FAM184B: variants seen among roughly 807,000 people sequenced by gnomAD.
FAM184B encodes the protein protein FAM184B.
FAM184B carries 111 observed loss-of-function variants against 135.9 expected under a neutral mutation model. The observed-to-expected ratio is 0.82, with a 90% CI of 0.70 to 0.96. The LOEUF (loss-of-function observed/expected upper bound fraction) is 0.96, where lower values mean the gene tolerates loss of function less well. FAM184B is among the 40% of genes least tolerant of loss of function. The probability of loss-of-function intolerance (pLI) is 0.00; values close to 1 mark genes in which losing one functional copy is unlikely to be tolerated. For missense variants in FAM184B, 1,375 were observed against 1,323.9 expected (o/e 1.04, Z -0.60); for synonymous variants, 552 against 524.8 (o/e 1.05, Z -0.71).
chr4:17,635,960 A>G (rs1157753840), intron 15 of FAM184B, among the ~76,000 whole-genome samples: 1 of 152,206 alleles, frequency 6.6e-6, no homozygotes, highest in Non-Finnish European at 1.5e-5. Context: ...AACCTAAGCC[A>G]TTATAGATTT....
intron 1 of FAM184B, among the ~76,000 whole-genome samples, chr4:17,762,972 T>C (rs899974473): frequency 6.6e-6 from 1 of 152,194 alleles, no homozygotes; most frequent in African/African-American, 2.4e-5. Flanking sequence ...TGCCCTGGCC[T>C]ACACAGCTGA....
intron 1 of FAM184B, among the ~76,000 whole-genome samples, chr4:17,757,491 A>AT (rs895939320): frequency 2.4e-4 from 36 of 152,110 alleles, no homozygotes; most frequent in African/African-American, 7.5e-4. Context: ...TTTAGCATTA[A>AT]TTTTTTTTCA....
At chr4:17,722,095 G>A (rs1397011560) in intron 1 of FAM184B, among the ~76,000 whole-genome samples, 1 of 152,212 alleles carries the variant, frequency 6.6e-6, no homozygotes, top group Non-Finnish European at 1.5e-5. Context: ...CTCACTGGGT[G>A]TGGAGAGGGG....
rs372390501 is a variant in FAM184B, at chr4:17,635,120, A to T, written c.2785-7T>A. On this transcript the variant is annotated splice_polypyrimidine_tract_variant and splice_region_variant and intron_variant, in intron 15 of 17. Coordinates refer to ENST00000265018, the MANE Select transcript of FAM184B (RefSeq NM_015688.2). ...AGTGAAATCTTCTCTCTTCCTAGAA[A>T]ACCAATACAACTGAGTCTAAATGAG... 1.1e-5 allele frequency: 17 copies of T among 1,547,494 alleles called. No individual in the cohort carries two copies. The East Asian group carries it at 2.7e-4, about 24-fold the overall frequency.
chr4:17,652,129 CTTTTTT>C (rs1173327491), intron 11 of FAM184B, among the ~76,000 whole-genome samples: 4 of 81,448 alleles, frequency 4.9e-5, no homozygotes, highest in African/African-American at 8.0e-5. Context: ...TATTTAATAT[CTTTTTT>C]TTTTTTTTTT....
At chr4:17,765,864 G>A (rs902357195) in intron 1 of FAM184B, among the ~76,000 whole-genome samples, 12 of 151,962 alleles carry the variant, frequency 7.9e-5, no homozygotes, top group African/African-American at 1.9e-4. Context: ...TGGAGAGTTC[G>A]GGGTCTCCCT....
rs115463997 is a variant in FAM184B at position 17,648,856 on chromosome 4, C to A, written c.2192-1065G>T. 6.1e-3 allele frequency among the ~76,000 whole-genome samples: 935 copies of A among 152,256 alleles called. 12 individuals carry two copies. Among genetic ancestry groups the A allele is most frequent in the African/African-American group, 0.021 (880 of 41,550 alleles). ...CGAGCTTCCAACTCCAGCTTCCCCT[C>A]TGAGGATGGAGACTGATTTCTAGTA... is the stretch of plus-strand genomic sequence containing the variant. On this transcript the variant is annotated intron_variant, in intron 11 of 17. Transcript: ENST00000265018.
intron 7 of FAM184B, among the ~76,000 whole-genome samples, chr4:17,675,865 G>T (rs190919824): frequency 6.6e-6 from 1 of 152,152 alleles, no homozygotes; most frequent in African/African-American, 2.4e-5. Flanking sequence ...GAGAATTAGG[G>T]CCTGGCTCTG....
chr4:17,710,011 T>A (rs7669790), intron 1 of FAM184B, among the ~76,000 whole-genome samples: 9 of 152,056 alleles, frequency 5.9e-5, no homozygotes, highest in Non-Finnish European at 7.4e-5. Context: ...GGAATGCAAA[T>A]CCCGGAACAA....
intron 5 of FAM184B, among the ~76,000 whole-genome samples, chr4:17,703,030 G>A (rs1717025671): frequency 6.6e-6 from 1 of 152,202 alleles, no homozygotes; most frequent in Non-Finnish European, 1.5e-5. Context: ...TTAGCTGTGT[G>A]TGTTGATATA....
chr4:17,778,231 G>C (rs188647028), intron 1 of FAM184B, among the ~76,000 whole-genome samples: 49 of 152,318 alleles, frequency 3.2e-4, no homozygotes, highest in Middle Eastern at 3.4e-3. Context: ...ATGAAAATTA[G>C]ATTGGCAGTA....
chr4:17,735,761 C>T (rs1485651284), intron 1 of FAM184B, among the ~76,000 whole-genome samples: 1 of 152,150 alleles, frequency 6.6e-6, no homozygotes, highest in Non-Finnish European at 1.5e-5. Context: ...GCAAGGAACG[C>T]CATGCTCAAT....
chr4:17,639,540 A>G, intron 13 of FAM184B, 144 bp from the exon 14 acceptor site: 9 of 1,004,810 alleles, frequency 9.0e-6, no homozygotes, highest in Non-Finnish European at 1.3e-5. Context: ...TGTGGGAAGA[A>G]GAGCTGAAGT....
At chr4:17,732,318 C>A (rs1485113717) in intron 1 of FAM184B, among the ~76,000 whole-genome samples, 1 of 151,982 alleles carries the variant, frequency 6.6e-6, no homozygotes, top group East Asian at 1.9e-4. Flanking sequence ...TAGCAGAAGG[C>A]AAGAAATAAC....
At chr4:17,698,097 A>C (rs578167855) in intron 5 of FAM184B, among the ~76,000 whole-genome samples, 1 of 152,268 alleles carries the variant, frequency 6.6e-6, no homozygotes, top group Non-Finnish European at 1.5e-5. Flanking sequence ...AACAAACAAA[A>C]AAACAATAAC....
intron 1 of FAM184B, among the ~76,000 whole-genome samples, chr4:17,766,259 A>G (rs1309575453): frequency 6.6e-6 from 1 of 152,238 alleles, no homozygotes; most frequent in Admixed American, 6.5e-5. Context: ...CCGTTTTGAC[A>G]GGGTGCTGAT....
At chr4:17,639,806 C>T (rs551588586) in intron 13 of FAM184B, among the ~76,000 whole-genome samples, 1 of 151,824 alleles carries the variant, frequency 6.6e-6, no homozygotes, top group East Asian at 2.0e-4. Context: ...CTAACAACTA[C>T]ACTGCAGTGG....
intron 1 of FAM184B, among the ~76,000 whole-genome samples, chr4:17,752,207 G>T (rs1311567949): frequency 6.6e-6 from 1 of 152,122 alleles, no homozygotes; most frequent in Non-Finnish European, 1.5e-5. Flanking sequence ...CATACCTTGA[G>T]GAAAGTACTT....
chr4:17,716,334 T>G (rs1425218278), intron 1 of FAM184B, among the ~76,000 whole-genome samples: 1 of 152,040 alleles, frequency 6.6e-6, no homozygotes, highest in Non-Finnish European at 1.5e-5. Flanking sequence ...CTTTTTCCTC[T>G]CCCAGGTTTT....
Sources: gnomAD v4.1 joint callset for allele counts (sites outside exome capture counted in the v4.1 genomes callset) on GRCh38, gnomAD v4.1.1 for gene constraint, MANE v1.5 for transcripts, NCBI Gene and HGNC (gene_info 2026-07-23, HGNC 2026-07-21) for gene names.